Variants in AMPH observed in about 807,000 individuals in gnomAD.
AMPH encodes amphiphysin.
In AMPH, 49 loss-of-function variants were observed where a neutral mutation model predicts 99.1. That is an observed-to-expected ratio of 0.49 (90% CI 0.39 to 0.63). The LOEUF (loss-of-function observed/expected upper bound fraction) is 0.63. Ranked by LOEUF, AMPH falls within the 20% of genes least tolerant of loss-of-function variation. The pLI is 0.00. For synonymous variants in AMPH, 314 were observed against 317.3 expected (o/e 0.99, Z 0.11); for missense variants, 759 against 863.4 (o/e 0.88, Z 1.52).
chr7:38,433,715 A>G (rs1786135364), intron 12 of AMPH, among the ~76,000 whole-genome samples: 1 of 37,768 alleles, frequency 2.6e-5, no homozygotes. Context: ...ACAGAGCGAG[A>G]CTCCGTCTCA....
At chr7:38,420,934 C>A (rs117950892) in intron 16 of AMPH, 6 of 456,444 alleles carry the variant, frequency 1.3e-5, no homozygotes, top group Non-Finnish European at 2.6e-5. Flanking sequence ...AGTCAATGAG[C>A]CAAACACTGG....
intron 2 of AMPH, among the ~76,000 whole-genome samples, chr7:38,508,127 T>C (rs1318431990): frequency 1.3e-5 from 2 of 152,180 alleles, no homozygotes; most frequent in African/African-American, 4.8e-5. Context: ...GTGGACAAAA[T>C]TCATAGAATG....
At chr7:38,562,392 T>G (rs1791585206) in intron 1 of AMPH, among the ~76,000 whole-genome samples, 1 of 152,176 alleles carries the variant, frequency 6.6e-6, no homozygotes, top group Admixed American at 6.5e-5. Context: ...AAAGCACGTC[T>G]TAAATTGGGG....
At chr7:38,486,884 A>G (rs1204299852) in intron 5 of AMPH, among the ~76,000 whole-genome samples, 1 of 152,168 alleles carries the variant, frequency 6.6e-6, no homozygotes, top group Non-Finnish European at 1.5e-5. Flanking sequence ...TTATCCTTTC[A>G]CGATAAAATG....
chr7:38,531,732 G>T (rs2129038986), intron 2 of AMPH, among the ~76,000 whole-genome samples: 1 of 152,284 alleles, frequency 6.6e-6, no homozygotes, highest in East Asian at 1.9e-4. Flanking sequence ...CTTGAGTGTG[G>T]TCAGGGGACT....
intron 1 of AMPH, among the ~76,000 whole-genome samples, chr7:38,587,926 G>A (rs908230103): frequency 1.3e-5 from 2 of 148,358 alleles, no homozygotes; most frequent in Non-Finnish European, 2.9e-5. Context: ...GTGTGTGTGT[G>A]TGTGTGTGTG....
intron 1 of AMPH, among the ~76,000 whole-genome samples, chr7:38,560,638 G>A (rs371217461): frequency 6.6e-6 from 1 of 152,214 alleles, no homozygotes; most frequent in Non-Finnish European, 1.5e-5. Flanking sequence ...TGTTCAAGAA[G>A]AGAACTTGTT....
At chr7:38,437,639 A>AAAAAAAAAAAAAAAAAAAAGAAAAG (rs765494380) in intron 11 of AMPH, among the ~76,000 whole-genome samples, 24 of 96,710 alleles carry the variant, frequency 2.5e-4, no homozygotes, top group East Asian at 1.3e-3. Context: ...AAAAAAAAAA[A>AAAAAAAAAAAAAAAAAAAAGAAAAG]AAAAGAAAAG....
intron 4 of AMPH, among the ~76,000 whole-genome samples, chr7:38,491,965 G>C (rs1363148370): frequency 6.6e-6 from 1 of 152,174 alleles, no homozygotes; most frequent in East Asian, 1.9e-4. Context: ...AATTCCCCCA[G>C]TTATATGAGT....
intron 1 of AMPH, among the ~76,000 whole-genome samples, chr7:38,624,319 CAAAG>C (rs1176664813): frequency 6.6e-6 from 1 of 150,582 alleles, no homozygotes; most frequent in Non-Finnish European, 1.5e-5. Flanking sequence ...GAAAATGACA[CAAAG>C]AATATCAAAC....
intron 11 of AMPH, among the ~76,000 whole-genome samples, chr7:38,454,577 G>A (rs183490928): frequency 3.3e-5 from 5 of 151,782 alleles, no homozygotes; most frequent in Non-Finnish European, 7.4e-5. Context: ...GAACAGGCCT[G>A]CAAGTAGCTG....
At chr7:38,553,667 A>C (rs976051738) in intron 1 of AMPH, among the ~76,000 whole-genome samples, 1 of 152,204 alleles carries the variant, frequency 6.6e-6, no homozygotes, top group African/African-American at 2.4e-5. Flanking sequence ...TGTCCTCCTG[A>C]GCTTTCATTA....
chr7:38,538,125 C>G (rs1790682547), intron 1 of AMPH, among the ~76,000 whole-genome samples: 1 of 152,204 alleles, frequency 6.6e-6, no homozygotes, highest in Non-Finnish European at 1.5e-5. Flanking sequence ...AGTTAATGCG[C>G]TCACCATTCC....
In AMPH at chr7:38,597,993, A is replaced by G. The variant is rs960745379; in HGVS notation, c.69+33290T>C. On this transcript the variant is annotated intron_variant, in intron 1 of 20. Transcript: ENST00000356264. ...ACATTAGTCTTCATCTTAGCTATGA[A>G]CTTATTTTTGTATAGAGCATATAGA... Among the ~76,000 whole-genome samples the G allele has an allele frequency of 3.8e-4, 58 of 152,256 alleles. 3 individuals are homozygous for G. Among genetic ancestry groups the G allele is most frequent in the Admixed American group, 3.8e-3 (58 of 15,296 alleles).
intron 17 of AMPH, among the ~76,000 whole-genome samples, chr7:38,396,776 A>C (rs1784683106): frequency 6.6e-6 from 1 of 152,254 alleles, no homozygotes; most frequent in Non-Finnish European, 1.5e-5. Flanking sequence ...ATCAGAACAT[A>C]AATTAGTAGG....
chr7:38,451,058 A>ATT (rs754144389), intron 11 of AMPH, among the ~76,000 whole-genome samples: 6,841 of 137,834 alleles, frequency 0.05, 484 homozygotes, highest in East Asian at 0.33. Flanking sequence ...ATGCCCAGCT[A>ATT]TTTTTTTTTT....
intron 5 of AMPH, among the ~76,000 whole-genome samples, chr7:38,483,444 A>G (rs1788369350): frequency 6.6e-6 from 1 of 152,162 alleles, no homozygotes; most frequent in Non-Finnish European, 1.5e-5. Flanking sequence ...TCCTGCTTCT[A>G]TCTATGCAGG....
intron 1 of AMPH, among the ~76,000 whole-genome samples, chr7:38,613,192 T>C (rs1793745782): frequency 6.6e-6 from 1 of 152,240 alleles, no homozygotes; most frequent in South Asian, 2.1e-4. Flanking sequence ...CCCATCATTC[T>C]GAACTGCTTC....
Position 38,589,149 on chromosome 7 carries a change from C to T in AMPH, c.69+42134G>A, listed in dbSNP as rs2129057448. On this transcript the variant is annotated intron_variant, in intron 1 of 20. Coordinates refer to ENST00000356264, the MANE Select transcript of AMPH (RefSeq NM_001635.4). ...TTAATTGATATTGAAGTCTGACTAT[C>T]CAACATTAAAGTAGAAATAAGATAA... Among the ~76,000 whole-genome samples the T allele has an allele frequency of 2.0e-5, 3 of 152,228 alleles. No homozygotes were observed. In the East Asian group the frequency reaches 5.8e-4, roughly 29 times the overall value.
Sources: gnomAD v4.1 joint callset for allele counts (sites outside exome capture counted in the v4.1 genomes callset) on GRCh38, gnomAD v4.1.1 for gene constraint, MANE v1.5 for transcripts, NCBI Gene and HGNC (gene_info 2026-07-23, HGNC 2026-07-21) for gene names.